VANGL2: variants seen among roughly 807,000 people sequenced by gnomAD.
The protein encoded by VANGL2 is vang-like protein 2.
Under a neutral mutation model 50.2 loss-of-function variants are expected in VANGL2, and 14 were observed. The ratio of observed to expected loss-of-function variants is 0.28; its 90% CI spans 0.18 to 0.44. VANGL2 has a LOEUF of 0.44. Ranked by LOEUF, VANGL2 falls within the 20% of genes least tolerant of loss-of-function variation. VANGL2 has a pLI of 1.00. For missense variants in VANGL2, 533 were observed against 701.5 expected (o/e 0.76, Z 2.71); for synonymous variants, 295 against 297.2 (o/e 0.99, Z 0.08).
chr1:160,402,584 A>G (rs1650510873), intron 1 of VANGL2, among the ~76,000 whole-genome samples: 1 of 152,088 alleles, frequency 6.6e-6, no homozygotes, highest in African/African-American at 2.4e-5. Flanking sequence ...GGTTTATCAG[A>G]CCAAAAAGTT....
chr1:160,425,470 C>G lies in VANGL2; in HGVS notation c.*92C>G. On this transcript the variant is annotated 3_prime_UTR_variant, in exon 8 of 8. Coordinates refer to ENST00000368061, the MANE Select transcript of VANGL2 (RefSeq NM_020335.3). ...TCAGGCCCAGCCACATTCCTGCCAC[C>G]CTTCTTCTTCTTGCTCTTTTTTTTT... 2 of 1,024,572 alleles carry G rather than the reference C, an allele frequency of 2.0e-6. No homozygotes were observed. Among genetic ancestry groups the G allele is most frequent in the South Asian group, 3.3e-5 (2 of 60,646 alleles). 63.5% of individuals were successfully genotyped at this position (1,024,572 alleles called of 1,614,324 possible).
intron 6 of VANGL2, among the ~76,000 whole-genome samples, chr1:160,423,066 C>T (rs1214666945): frequency 6.6e-6 from 1 of 152,100 alleles, no homozygotes; most frequent in Non-Finnish European, 1.5e-5. Flanking sequence ...CCAGCATGCC[C>T]AGCTAATTTT....
chr1:160,406,373 C>T (rs144082969), intron 1 of VANGL2, among the ~76,000 whole-genome samples: 1 of 152,188 alleles, frequency 6.6e-6, no homozygotes, highest in East Asian at 1.9e-4. Flanking sequence ...GTAGAGAAGC[C>T]TACCCTTGAG....
At chr1:160,421,553 C>T (rs142459794) in intron 6 of VANGL2, among the ~76,000 whole-genome samples, 1 of 152,158 alleles carries the variant, frequency 6.6e-6, no homozygotes, top group Non-Finnish European at 1.5e-5. Context: ...GATGGTAGTG[C>T]ACTTTTTTTT....
Position 160,415,109 on chromosome 1 carries a change from G to A in VANGL2, c.-190-539G>A, listed in dbSNP as rs150286817. Among the ~76,000 whole-genome samples the A allele has an allele frequency of 1.6e-3, 247 of 152,312 alleles. 2 individuals are homozygous for A. In the Middle Eastern group the frequency reaches 0.034, roughly 21 times the overall value. ...TGATCTTACCGGTAACACTGGGTGT[G>A]TTTGAAGTAAATGCTGGGGAGATGG... On this transcript the variant is annotated intron_variant, in intron 1 of 7. Coordinates refer to ENST00000368061, the MANE Select transcript of VANGL2 (RefSeq NM_020335.3).
chr1:160,415,687 C>T lies in VANGL2; in HGVS notation c.-151C>T. The T allele has an allele frequency of 2.3e-6, 2 of 879,400 alleles. No individual in the cohort carries two copies. The highest frequency in any genetic ancestry group is 3.6e-6 in the Non-Finnish European group (2 of 560,270). The allele number at this position is 879,400 out of a possible 1,614,324, so 54.5% of individuals were successfully genotyped here. On this transcript the variant is annotated 5_prime_UTR_variant, in exon 2 of 8. Coordinates refer to ENST00000368061, the MANE Select transcript of VANGL2 (RefSeq NM_020335.3). Reference sequence around the variant, plus strand: ...TTTCTCTGAGACAAGCCCACCCGTCCAGCAAAATAGAGTCCCTCAGGGTGA... The same window carrying T: ...TTTCTCTGAGACAAGCCCACCCGTCTAGCAAAATAGAGTCCCTCAGGGTGA...
At chr1:160,402,156 C>T (rs570845323) in intron 1 of VANGL2, among the ~76,000 whole-genome samples, 2 of 151,862 alleles carry the variant, frequency 1.3e-5, no homozygotes, top group Middle Eastern at 3.4e-3. Flanking sequence ...TGGAAGAGGG[C>T]GTGTGTTGTG....
intron 7 of VANGL2, among the ~76,000 whole-genome samples, chr1:160,424,695 T>G (rs1024861892): frequency 6.6e-6 from 1 of 152,194 alleles, no homozygotes; most frequent in African/African-American, 2.4e-5. Context: ...TGAGCCACCC[T>G]TGGTGAGCAG....
chr1:160,410,674 A>G (rs527495577), intron 1 of VANGL2, among the ~76,000 whole-genome samples: 8 of 125,570 alleles, frequency 6.4e-5, no homozygotes, highest in Non-Finnish European at 1.3e-4. Flanking sequence ...CACCCCCCTT[A>G]TACACACACA....
At chr1:160,406,385 G>A (rs1650660487) in intron 1 of VANGL2, among the ~76,000 whole-genome samples, 1 of 152,206 alleles carries the variant, frequency 6.6e-6, no homozygotes, top group Non-Finnish European at 1.5e-5. Flanking sequence ...ACCCTTGAGG[G>A]TGGGAGTCAG....
intron 1 of VANGL2, among the ~76,000 whole-genome samples, chr1:160,404,883 G>A (rs1650599132): frequency 6.6e-6 from 1 of 152,178 alleles, no homozygotes; most frequent in Non-Finnish European, 1.5e-5. Context: ...AAGGCACACA[G>A]GGTATTTGGT....
rs140982917 is a variant in VANGL2, at chr1:160,421,119, C to T, written c.1005C>T (p.Asp335=). Residue 335 remains aspartate, a synonymous_variant, in exon 6 of 8, where the codon GAC becomes GAT. Transcript: ENST00000368061. ...AVIAAAARRR[D]NSHNEYYYEE... ...TTGCAGCGGCAGCTCGGAGGCGGGA[C>T]AACAGTCACAATGAGTACTACTATG... is the stretch of plus-strand genomic sequence containing the variant. 1,691 of 1,614,056 alleles carry T rather than the reference C, an allele frequency of 1.0e-3. 12 individuals carry two copies. The African/African-American group carries it at 0.019, about 18-fold the overall frequency.
chr1:160,419,646 A>G lies in VANGL2; in HGVS notation c.800+37A>G. 1 of 1,593,892 alleles carries G rather than the reference A, an allele frequency of 6.3e-7. No individual in the cohort carries two copies. On this transcript the variant is annotated intron_variant, in intron 4 of 7. Transcript: ENST00000368061. This position sits in a 1 kb window ranked among gnomAD's most constrained non-coding sequence, Gnocchi z 5.8. ...CGGCTGGAGAAGGGTTGGGAGGGAA[A>G]GGGCATGGGAGGATGTGGAGTGACT...
chr1:160,419,741 G>A lies in VANGL2; in HGVS notation c.800+132G>A. ...GGAGGGTTGTGTGGGAGGGAGTTGAGTACTTTGCACCAAGTAGGTTTTCAC... is the reference window on the plus strand; with the variant it reads ...GGAGGGTTGTGTGGGAGGGAGTTGAATACTTTGCACCAAGTAGGTTTTCAC... On this transcript the variant is annotated intron_variant, in intron 4 of 7. Transcript: ENST00000368061. This position sits in a 1 kb window ranked among gnomAD's most constrained non-coding sequence, Gnocchi z 5.8. 7.3e-7 allele frequency: 1 copy of A among 1,363,982 alleles called. No individual in the cohort carries two copies. Among genetic ancestry groups the A allele is most frequent in the Non-Finnish European group, 9.7e-7 (1 of 1,025,814 alleles). 84.5% of individuals were successfully genotyped at this position (1,363,982 alleles called of 1,614,324 possible).
rs17380141 is a variant in VANGL2 at position 160,425,213 on chromosome 1, G to A, written c.1401G>A (p.Pro467=). 448,159 of 1,613,824 alleles carry A rather than the reference G, an allele frequency of 0.28. 63,777 individuals are homozygous for A. The highest frequency in any genetic ancestry group is 0.3 in the Middle Eastern group (1,833 of 6,058). The change falls in exon 8 of 8, where the codon CCG becomes CCA. Residue 467 remains proline, a synonymous_variant. Transcript: ENST00000368061. Reference sequence around the variant, plus strand: ...AGTGGACATTGGTGAGCGAGGAGCCGGTGACCAACGGCCTCAAGGATGGCA... The same window carrying A: ...AGTGGACATTGGTGAGCGAGGAGCCAGTGACCAACGGCCTCAAGGATGGCA... ...AKQWTLVSEE[P]VTNGLKDGIV... is the part of the protein sequence containing the mutation.
In VANGL2 at chr1:160,419,317, C is replaced by T. The variant is rs930459293; in HGVS notation, c.508C>T (p.Arg170Trp). 4.3e-6 allele frequency: 7 copies of T among 1,609,268 alleles called. No individual in the cohort carries two copies. The highest frequency in any genetic ancestry group is 4.0e-5 in the African/African-American group (3 of 74,934). ...GGGCAGCTGGGCTCTGTTCTTCCGC[C>T]GGCCCAAGGCCTCGCTGCCCCGCGT... Reference protein sequence around the residue: ...LLGSWALFFRRPKASLPRVFV... With the variant: ...LLGSWALFFRWPKASLPRVFV... The change falls in exon 4 of 8, where the codon CGG becomes TGG. Residue 170 changes from arginine (R) to tryptophan (W), a missense_variant. Physicochemically the swap from Arg to Trp is moderately radical, Grantham distance 101 (BLOSUM62 -3). Transcript: ENST00000368061. This position sits in a 1 kb window ranked among gnomAD's most constrained non-coding sequence, Gnocchi z 5.8.
Position 160,420,613 on chromosome 1 carries a change from T to C in VANGL2, c.937+66T>C, listed in dbSNP as rs1274558744. 4 of 1,611,332 alleles carry C rather than the reference T, an allele frequency of 2.5e-6. No homozygotes were observed. The African/African-American group carries it at 5.3e-5, about 22-fold the overall frequency. ...AAGCAGGACTCCAAGTTCCCGCCTC[T>C]CTTTTACCCTTTGTCCCTTGCTTTT... On this transcript the variant is annotated intron_variant, in intron 5 of 7. Transcript: ENST00000368061.
At chr1:160,422,470 T>C (rs941286129) in intron 6 of VANGL2, among the ~76,000 whole-genome samples, 4 of 152,138 alleles carry the variant, frequency 2.6e-5, no homozygotes, top group Admixed American at 6.5e-5. Flanking sequence ...TACTGAGAAA[T>C]GTAGGGGAAG....
At chr1:160,402,889 C>T (rs902003374) in intron 1 of VANGL2, among the ~76,000 whole-genome samples, 1 of 152,158 alleles carries the variant, frequency 6.6e-6, no homozygotes, top group East Asian at 1.9e-4. Context: ...ATTGCACACT[C>T]TTTTTGCTGC....
Sources: gnomAD v4.1 joint callset for allele counts (sites outside exome capture counted in the v4.1 genomes callset) on GRCh38, gnomAD v4.1.1 for gene constraint, Gnocchi (gnomAD v3.1) non-coding constraint, MANE v1.5 for transcripts, NCBI Gene and HGNC (gene_info 2026-07-23, HGNC 2026-07-21) for gene names.